ZNRF3: variants seen among roughly 807,000 people sequenced by gnomAD.
ZNRF3 encodes the protein zinc and ring finger 3, also known as E3 ubiquitin-protein ligase ZNRF3.
ZNRF3 carries 23 observed loss-of-function variants against 72.5 expected under a neutral mutation model. The observed-to-expected ratio is 0.32, with a 90% confidence interval of 0.23 to 0.45. The LOEUF is 0.45. Ranked by LOEUF, ZNRF3 falls within the 20% of genes least tolerant of loss-of-function variation. The pLI is 1.00. For synonymous variants in ZNRF3, 610 were observed against 545.3 expected, an observed-to-expected ratio of 1.12 and a Z score of -1.65; for missense variants, 1,169 against 1,272.1, an observed-to-expected ratio of 0.92 and a Z score of 1.23.
At chr22:29,045,928 C>T (rs897099702) in intron 5 of ZNRF3, among the ~76,000 whole-genome samples, 9 of 152,170 alleles carry the variant, frequency 5.9e-5, no homozygotes, top group Non-Finnish European at 8.8e-5. Context: ...CATCAAGTGG[C>T]GCCCTAGAGC....
chr22:29,051,483 A>G lies in ZNRF3; in HGVS notation c.2767+535A>G, dbSNP rs1424105779. 2.6e-5 allele frequency among the ~76,000 whole-genome samples: 4 copies of G among 152,008 alleles called. No individual in the cohort carries two copies. In the South Asian group the frequency reaches 8.3e-4, roughly 32 times the overall value. On this transcript the variant is annotated intron_variant, in intron 8 of 8. Transcript: ENST00000544604. Reference sequence around the variant, plus strand: ...GCCAGGGGTGGTGGCGGGTGCCTGTAGTCCCAGCTACTCAGGATGCTGAGG... The same window carrying G: ...GCCAGGGGTGGTGGCGGGTGCCTGTGGTCCCAGCTACTCAGGATGCTGAGG...
chr22:28,962,051 G>A (rs2035371167), intron 1 of ZNRF3, among the ~76,000 whole-genome samples: 1 of 152,200 alleles, frequency 6.6e-6, no homozygotes. Flanking sequence ...ATATAGGGAA[G>A]TATTAGATTT....
At chr22:28,937,215 A>ATATTTT (rs1384534826) in intron 1 of ZNRF3, among the ~76,000 whole-genome samples, 5 of 8,834 alleles carry the variant, frequency 5.7e-4, no homozygotes, top group African/African-American at 1.3e-3. Context: ...ATATATATAT[A>ATATTTT]TTTTTTTTTT....
intron 1 of ZNRF3, among the ~76,000 whole-genome samples, chr22:28,952,511 T>TA (rs397788801): frequency 1.3e-5 from 2 of 151,664 alleles, no homozygotes; most frequent in African/African-American, 4.8e-5. Context: ...TTTTTTTTTT[T>TA]AACCATTTTG....
chr22:28,898,583 CT>C (rs2034043507), intron 1 of ZNRF3, among the ~76,000 whole-genome samples: 1 of 152,194 alleles, frequency 6.6e-6, no homozygotes, highest in African/African-American at 2.4e-5. Flanking sequence ...AACACCGGGA[CT>C]TTTGGAGGCG....
intron 2 of ZNRF3, among the ~76,000 whole-genome samples, chr22:29,033,890 T>C (rs1206618509): frequency 6.6e-6 from 1 of 152,140 alleles, no homozygotes; most frequent in Non-Finnish European, 1.5e-5. Flanking sequence ...GACCCAGAAA[T>C]GTCCGGGACA....
At chr22:29,038,184 C>A (rs2036898289) in intron 2 of ZNRF3, among the ~76,000 whole-genome samples, 1 of 152,020 alleles carries the variant, frequency 6.6e-6, no homozygotes, top group Non-Finnish European at 1.5e-5. Context: ...TAATTAGGGT[C>A]TAGGTTTGTT....
In ZNRF3 at chr22:29,056,751, G is replaced by C. The variant is rs2037307660; in HGVS notation, c.*3129G>C. On this transcript the variant is annotated 3_prime_UTR_variant, in exon 9 of 9. Transcript: ENST00000544604. Reference sequence around the variant, plus strand: ...AGAACCAGCTAAAAATGGAAGTTTGGGTGTTTACCAACAAGGTACCTCTTT... The same window carrying C: ...AGAACCAGCTAAAAATGGAAGTTTGCGTGTTTACCAACAAGGTACCTCTTT... 1 of 152,102 alleles carries C rather than the reference G, an allele frequency of 6.6e-6. No individual in the cohort carries two copies. The highest frequency in any genetic ancestry group is 2.1e-4 in the South Asian group (1 of 4,820). The allele number at this position is 152,102 out of a possible 1,614,324, so 9.4% of individuals were successfully genotyped here.
chr22:28,917,517 A>T, intron 1 of ZNRF3: 1 of 893,928 alleles, frequency 1.1e-6, no homozygotes, highest in Non-Finnish European at 1.3e-6. Flanking sequence ...TTTGGGTAAG[A>T]TATACTCTCT....
intron 2 of ZNRF3, among the ~76,000 whole-genome samples, chr22:29,006,860 G>T (rs12628457): frequency 0.068 from 10,415 of 152,204 alleles, 571 homozygotes; most frequent in African/African-American, 0.14. Context: ...TTTTGATAAA[G>T]TCTTAGCCCA....
intron 2 of ZNRF3, among the ~76,000 whole-genome samples, chr22:28,990,150 A>C (rs2035929069): frequency 6.6e-6 from 1 of 152,210 alleles, no homozygotes; most frequent in Non-Finnish European, 1.5e-5. Flanking sequence ...CAGACCAGGC[A>C]TGGGCGCATC....
intron 1 of ZNRF3, among the ~76,000 whole-genome samples, chr22:28,965,973 A>G (rs777947507): frequency 5.3e-5 from 8 of 152,218 alleles, no homozygotes; most frequent in Non-Finnish European, 8.8e-5. Flanking sequence ...TTACTGTTTT[A>G]TACCTCAACC....
intron 1 of ZNRF3, among the ~76,000 whole-genome samples, chr22:28,902,089 A>G (rs565215664): frequency 6.6e-6 from 1 of 151,048 alleles, no homozygotes; most frequent in South Asian, 2.1e-4. Flanking sequence ...GGTGTGCACC[A>G]CCATGCCCAG....
intron 1 of ZNRF3, among the ~76,000 whole-genome samples, chr22:28,903,048 G>A (rs577460275): frequency 6.6e-6 from 1 of 152,206 alleles, no homozygotes; most frequent in East Asian, 1.9e-4. Context: ...CTAGTGTGGG[G>A]GTCTGTGGGC....
At chr22:29,023,742 G>C (rs536662167) in intron 2 of ZNRF3, among the ~76,000 whole-genome samples, 7 of 152,276 alleles carry the variant, frequency 4.6e-5, no homozygotes, top group Admixed American at 1.3e-4. Flanking sequence ...GTGGTTTGTG[G>C]TCCCTCTTCT....
At position 28,928,490 on chromosome 22, in the gene ZNRF3, C is replaced by CTT. The variant is rs10710766; in HGVS notation, c.300+44446_300+44447dup. ...ATTTCTCTGATTGTTCCAGAAATGT[C>CTT]TTTTTTTTTTTTTTTTTTTTTTTGA... On this transcript the variant is annotated intron_variant, in intron 1 of 8. Coordinates refer to ENST00000544604, the MANE Select transcript of ZNRF3 (RefSeq NM_001206998.2). Among the ~76,000 whole-genome samples, 167 of 80,546 alleles carry CTT rather than the reference C, an allele frequency of 2.1e-3. 1 individual carries two copies. The highest frequency in any genetic ancestry group is 7.8e-3 in the Middle Eastern group (1 of 128). 52.8% of individuals were successfully genotyped at this position (80,546 alleles called of 152,430 possible). A position where few individuals can be genotyped will look rare whatever the true frequency, so the allele number is the denominator to read the frequency against.
intron 1 of ZNRF3, among the ~76,000 whole-genome samples, chr22:28,906,061 A>T (rs994185433): frequency 6.6e-6 from 1 of 152,250 alleles, no homozygotes; most frequent in Non-Finnish European, 1.5e-5. Flanking sequence ...ATGGTGGCTC[A>T]CGCCTATAAT....
At chr22:28,890,266 C>T (rs555061607) in intron 1 of ZNRF3, among the ~76,000 whole-genome samples, 16 of 152,268 alleles carry the variant, frequency 1.1e-4, no homozygotes, top group African/African-American at 2.4e-4. Flanking sequence ...TTTGGGAAGC[C>T]GAGGCGGGCA....
At chr22:28,929,364 G>A (rs1601569880) in intron 1 of ZNRF3, among the ~76,000 whole-genome samples, 1 of 152,106 alleles carries the variant, frequency 6.6e-6, no homozygotes, top group East Asian at 1.9e-4. Context: ...TGTGGCTCCT[G>A]TCCTGTGCGT....
Sources: allele counts gnomAD v4.1 joint callset (sites outside exome capture counted in the v4.1 genomes callset), GRCh38; gene constraint gnomAD v4.1.1; transcripts MANE v1.5; gene names NCBI Gene and HGNC (gene_info 2026-07-23, HGNC 2026-07-21).